Variants in ARL13B observed in about 807,000 individuals in gnomAD.
ARL13B encodes ADP-ribosylation factor-like protein 13B.
Under a neutral mutation model 56.1 loss-of-function variants are expected in ARL13B, and 36 were observed. That is an observed-to-expected ratio of 0.64 (90% CI 0.49 to 0.85). The LOEUF is 0.85. Ranked by LOEUF, ARL13B falls within the 40% of genes least tolerant of loss-of-function variation. The probability of loss-of-function intolerance (pLI) is 0.00; values close to 1 mark genes in which losing one functional copy is unlikely to be tolerated. For synonymous variants in ARL13B, 178 were observed against 171.1 expected (o/e 1.04, Z -0.32); for missense variants, 519 against 507.1 (o/e 1.02, Z -0.23).
intron 7 of ARL13B, 37 bp from the exon 8 acceptor site, chr3:94,049,369 C>A: frequency 1.5e-6 from 2 of 1,309,584 alleles, no homozygotes; most frequent in South Asian, 1.3e-5. Flanking sequence ...TGCACTTTTT[C>A]ATAAAGACAT....
chr3:94,029,488 C>T (rs2076636481), intron 3 of ARL13B, among the ~76,000 whole-genome samples: 1 of 151,004 alleles, frequency 6.6e-6, no homozygotes, highest in Non-Finnish European at 1.5e-5. Context: ...GCTGGGATTA[C>T]AGTTGCCTGC....
At chr3:94,008,785 G>A (rs560096192) in intron 3 of ARL13B, among the ~76,000 whole-genome samples, 113 of 152,152 alleles carry the variant, frequency 7.4e-4, no homozygotes, top group African/African-American at 2.7e-3. Flanking sequence ...TTCTTTTAGG[G>A]TAACAATTCT....
At chr3:94,009,587 C>T (rs1280376750) in intron 3 of ARL13B, among the ~76,000 whole-genome samples, 4 of 151,994 alleles carry the variant, frequency 2.6e-5, no homozygotes, top group Non-Finnish European at 5.9e-5. Flanking sequence ...TATGGAATTA[C>T]GGTCTGCCTA....
intron 3 of ARL13B, among the ~76,000 whole-genome samples, chr3:94,032,776 G>A (rs1305224490): frequency 2.0e-5 from 3 of 152,140 alleles, no homozygotes; most frequent in African/African-American, 7.2e-5. Flanking sequence ...GATTACAGGC[G>A]TAAGCCACCG....
chr3:93,996,096 A>T (rs1231677298), intron 2 of ARL13B, 152 bp downstream of exon 2: 2 of 815,208 alleles, frequency 2.5e-6, no homozygotes, highest in Admixed American at 2.4e-5. Context: ...TCTTGTGGCG[A>T]ATAGGCTCTG....
Position 93,980,612 on chromosome 3 carries a change from G to A in ARL13B, c.59+130G>A, listed in dbSNP as rs530065671. The A allele has an allele frequency of 1.6e-4, 188 of 1,152,144 alleles. No homozygotes were observed. In the African/African-American group the frequency reaches 2.7e-3, roughly 17 times the overall value. 71.4% of individuals were successfully genotyped at this position (1,152,144 alleles called of 1,614,324 possible). On this transcript the variant is annotated intron_variant, in intron 1 of 9. Transcript: ENST00000394222. ...CCGCAAGGGATGCTTTCATTCCCAG[G>A]GTGTCCCGGGAGGGAGAGATTGGAG...
intron 3 of ARL13B, among the ~76,000 whole-genome samples, chr3:94,007,603 CCAT>C (rs1204200845): frequency 6.6e-6 from 1 of 152,090 alleles, no homozygotes; most frequent in Non-Finnish European, 1.5e-5. Flanking sequence ...CCTGATAAAA[CCAT>C]CAGATCTCGT....
At chr3:94,037,495 ACTCT>A (rs894186764) in intron 5 of ARL13B, among the ~76,000 whole-genome samples, 1 of 151,962 alleles carries the variant, frequency 6.6e-6, no homozygotes, top group Non-Finnish European at 1.5e-5. Context: ...TATAGAAATG[ACTCT>A]CTATCCCCAA....
At chr3:94,049,992 G>T (rs976951996) in intron 8 of ARL13B, among the ~76,000 whole-genome samples, 1 of 111,914 alleles carries the variant, frequency 8.9e-6, no homozygotes, top group Non-Finnish European at 1.9e-5. Flanking sequence ...CTCTACTAAA[G>T]ATACAAAAAA....
At chr3:94,002,361 C>T (rs1430846665) in intron 2 of ARL13B, among the ~76,000 whole-genome samples, 2 of 152,108 alleles carry the variant, frequency 1.3e-5, no homozygotes, top group Non-Finnish European at 2.9e-5. Context: ...GCCACTGTAC[C>T]CAGCCACCAC....
At chr3:93,991,644 TACAG>T (rs1311338037) in intron 1 of ARL13B, among the ~76,000 whole-genome samples, 8 of 152,266 alleles carry the variant, frequency 5.3e-5, no homozygotes, top group Non-Finnish European at 1.2e-4. Context: ...GTGCTGGGAC[TACAG>T]GTGTGAGCCA....
intron 7 of ARL13B, among the ~76,000 whole-genome samples, chr3:94,044,760 CG>C (rs2076950490): frequency 7.0e-6 from 1 of 143,542 alleles, no homozygotes; most frequent in Non-Finnish European, 1.5e-5. Flanking sequence ...CGCCTCTGCC[CG>C]GCCGCCCCGA....
At chr3:94,009,178 T>C (rs1490837416) in intron 3 of ARL13B, among the ~76,000 whole-genome samples, 1 of 152,086 alleles carries the variant, frequency 6.6e-6, no homozygotes, top group Non-Finnish European at 1.5e-5. Flanking sequence ...TCTGAAATCA[T>C]ACACAGAATC....
At chr3:94,041,926 A>G (rs2076870083) in intron 6 of ARL13B, among the ~76,000 whole-genome samples, 1 of 152,128 alleles carries the variant, frequency 6.6e-6, no homozygotes, top group African/African-American at 2.4e-5. Context: ...CAGGCGTGGC[A>G]CGAACCTATA....
At chr3:94,045,471 G>T (rs1196698772) in intron 7 of ARL13B, among the ~76,000 whole-genome samples, 1 of 142,492 alleles carries the variant, frequency 7.0e-6, no homozygotes, top group East Asian at 2.0e-4. Context: ...AAGAAAGAAA[G>T]AAAAAAAAGA....
intron 3 of ARL13B, among the ~76,000 whole-genome samples, chr3:94,022,820 A>C (rs2076476473): frequency 6.6e-6 from 1 of 152,114 alleles, no homozygotes; most frequent in Non-Finnish European, 1.5e-5. Flanking sequence ...ATAGATCAAG[A>C]AACATATAAC....
intron 3 of ARL13B, among the ~76,000 whole-genome samples, chr3:94,026,357 A>G (rs2076558276): frequency 6.6e-6 from 1 of 152,186 alleles, no homozygotes; most frequent in Admixed American, 6.5e-5. Context: ...GTATCTGTGC[A>G]TTTTGACTGA....
intron 5 of ARL13B, among the ~76,000 whole-genome samples, chr3:94,039,356 C>T (rs2107133408): frequency 6.6e-6 from 1 of 151,958 alleles, no homozygotes; most frequent in Admixed American, 6.5e-5. Context: ...AAAAATTAGC[C>T]AGGCCTGGTG....
chr3:94,043,328 A>G (rs1165404213), intron 7 of ARL13B, 88 bp downstream of exon 7: 4 of 1,181,666 alleles, frequency 3.4e-6, no homozygotes, highest in Non-Finnish European at 4.8e-6. Context: ...TTGTTTTTAC[A>G]AACGAGTACT....
Sources: allele counts gnomAD v4.1 joint callset (sites outside exome capture counted in the v4.1 genomes callset), GRCh38; gene constraint gnomAD v4.1.1; transcripts MANE v1.5; gene names NCBI Gene and HGNC (gene_info 2026-07-23, HGNC 2026-07-21).